The following ELOVL7 variants were observed in gnomAD, a reference collection of about 807,000 sequenced individuals.
ELOVL7 encodes the protein ELOVL fatty acid elongase 7, also known as very long chain fatty acid elongase 7.
ELOVL7 carries 27 observed loss-of-function variants against 35.7 expected under a neutral mutation model. The ratio of observed to expected loss-of-function variants is 0.76; its 90% CI spans 0.56 to 1.04. The LOEUF (loss-of-function observed/expected upper bound fraction) is 1.04. Ranked by LOEUF, ELOVL7 falls within the 50% of genes least tolerant of loss-of-function variation. ELOVL7 has a pLI of 0.00. For missense variants in ELOVL7, 327 were observed against 340.8 expected (o/e 0.96, Z 0.32); for synonymous variants, 113 against 114.6 (o/e 0.99, Z 0.09).
intron 3 of ELOVL7, among the ~76,000 whole-genome samples, chr5:60,780,415 C>T (rs1034704434): frequency 2.0e-5 from 3 of 151,988 alleles, no homozygotes; most frequent in Admixed American, 1.3e-4. Context: ...TCACGGCGCC[C>T]GGCCAAACTT....
intron 1 of ELOVL7, among the ~76,000 whole-genome samples, chr5:60,814,748 C>A (rs913415436): frequency 6.6e-6 from 1 of 152,152 alleles, no homozygotes; most frequent in South Asian, 2.1e-4. Flanking sequence ...AGTCTATGCT[C>A]GTCATGATAG....
intron 8 of ELOVL7, 94 bp from the exon 9 acceptor site, chr5:60,754,927 G>A (rs578247798): frequency 1.0e-6 from 1 of 998,304 alleles, no homozygotes; most frequent in Admixed American, 2.3e-5. Context: ...AGTGCAGGGA[G>A]TGCACTATTG....
At chr5:60,838,559 A>G (rs1287195642) in intron 1 of ELOVL7, among the ~76,000 whole-genome samples, 2 of 152,136 alleles carry the variant, frequency 1.3e-5, no homozygotes, top group Non-Finnish European at 2.9e-5. Flanking sequence ...GAAACTCCCC[A>G]GTTTTATCTA....
In ELOVL7 at chr5:60,752,314, G is replaced by T. The variant is rs1424296367; in HGVS notation, c.*2310C>A. 7 of 152,578 alleles carry T rather than the reference G, an allele frequency of 4.6e-5. No homozygotes were observed. Among genetic ancestry groups the T allele is most frequent in the Non-Finnish European group, 1.5e-5 (1 of 68,028 alleles). The allele number at this position is 152,578 out of a possible 1,614,324, so 9.5% of individuals were successfully genotyped here. Reference sequence around the variant, plus strand: ...CACTTCTATTCATATAATTGAGTATGTGTTTTATTACATGTTAGCTTATAG... The same window carrying T: ...CACTTCTATTCATATAATTGAGTATTTGTTTTATTACATGTTAGCTTATAG... On this transcript the variant is annotated 3_prime_UTR_variant, in exon 9 of 9. Coordinates refer to ENST00000508821, the MANE Select transcript of ELOVL7 (RefSeq NM_024930.3).
At chr5:60,826,185 T>G (rs1309613979) in intron 1 of ELOVL7, among the ~76,000 whole-genome samples, 2 of 152,142 alleles carry the variant, frequency 1.3e-5, no homozygotes, top group Non-Finnish European at 2.9e-5. Flanking sequence ...AGAGGGGTGG[T>G]TAAGAAAAGT....
chr5:60,789,277 T>C (rs1246467591), intron 2 of ELOVL7, among the ~76,000 whole-genome samples: 2 of 152,202 alleles, frequency 1.3e-5, no homozygotes, highest in Non-Finnish European at 2.9e-5. Flanking sequence ...GTTTCTAAAA[T>C]TGATAAAAGA....
At position 60,771,945 on chromosome 5, in the gene ELOVL7, G is replaced by A. The variant is rs376196052; in HGVS notation, c.213C>T (p.Tyr71=). Residue 71 remains tyrosine, a synonymous_variant, in exon 4 of 9, where the codon TAC becomes TAT. Transcript: ENST00000508821. The stretch of plus-strand genomic sequence containing the variant: ...CAGAAAAGAGTACTATGAAAAAATT[G>A]TACGTTATCATTGCTTTCTTGAGTT... ...PFELKKAMIT[Y]NFFIVLFSVY... 6.2e-7 allele frequency: 1 copy of A among 1,613,634 alleles called. No individual in the cohort carries two copies. The highest frequency in any genetic ancestry group is 1.1e-5 in the South Asian group (1 of 91,018).
chr5:60,815,196 T>G (rs1182661175), intron 1 of ELOVL7, among the ~76,000 whole-genome samples: 1 of 152,260 alleles, frequency 6.6e-6, no homozygotes, highest in Non-Finnish European at 1.5e-5. Flanking sequence ...ATTTGTAGCA[T>G]GTTTTCCCTC....
chr5:60,844,188 G>A lies in ELOVL7; in HGVS notation c.-114C>T, dbSNP rs149714182. 1,634 of 152,186 alleles carry A rather than the reference G, an allele frequency of 0.011. 12 individuals carry two copies. The highest frequency in any genetic ancestry group is 0.024 in the Middle Eastern group (7 of 290). The allele number at this position is 152,186 out of a possible 1,614,324, so 9.4% of individuals were successfully genotyped here. ...ACAGGGAGCGGAGCCGAAGCGCCGG[G>A]CGCGCGCGGGAGAGAGGGCGGCGAC... On this transcript the variant is annotated 5_prime_UTR_variant, in exon 1 of 9. Transcript: ENST00000508821.
At chr5:60,791,849 G>T (rs1231256187) in intron 2 of ELOVL7, among the ~76,000 whole-genome samples, 1 of 152,146 alleles carries the variant, frequency 6.6e-6, no homozygotes, top group Non-Finnish European at 1.5e-5. Flanking sequence ...AAATATTCTA[G>T]TTTTACAAGC....
intron 1 of ELOVL7, among the ~76,000 whole-genome samples, chr5:60,832,301 C>T (rs1456300868): frequency 3.9e-5 from 6 of 152,156 alleles, no homozygotes; most frequent in Non-Finnish European, 8.8e-5. Flanking sequence ...AAGTAGATGG[C>T]AACTCCTACT....
At chr5:60,754,918 G>C in intron 8 of ELOVL7, 85 bp from the exon 9 acceptor site, 1 of 1,063,808 alleles carries the variant, frequency 9.4e-7, no homozygotes, top group Non-Finnish European at 1.4e-6. Flanking sequence ...CACTCCCAAA[G>C]TGCAGGGAGT....
At chr5:60,775,721 A>C (rs2112195472) in intron 3 of ELOVL7, among the ~76,000 whole-genome samples, 1 of 152,334 alleles carries the variant, frequency 6.6e-6, no homozygotes, top group Middle Eastern at 3.4e-3. Context: ...GAAAATAAGC[A>C]ATGGGGAAAG....
chr5:60,842,696 G>A (rs1262112696), intron 1 of ELOVL7, among the ~76,000 whole-genome samples: 2 of 152,126 alleles, frequency 1.3e-5, no homozygotes, highest in South Asian at 2.1e-4. Context: ...TCCAGTGCTG[G>A]AGACAGAACC....
chr5:60,756,233 G>GA (rs1237791916), intron 8 of ELOVL7, among the ~76,000 whole-genome samples: 10 of 150,792 alleles, frequency 6.6e-5, no homozygotes, highest in Admixed American at 4.6e-4. Context: ...AGTATGCTGA[G>GA]AAAAAAAAGC....
intron 3 of ELOVL7, among the ~76,000 whole-genome samples, chr5:60,774,171 GAC>G (rs1742766933): frequency 6.6e-6 from 1 of 152,006 alleles, no homozygotes; most frequent in African/African-American, 2.4e-5. Context: ...ATCTGGCAAA[GAC>G]ACACCAACAA....
At chr5:60,817,552 G>GGT (rs909050288) in intron 1 of ELOVL7, among the ~76,000 whole-genome samples, 5 of 147,474 alleles carry the variant, frequency 3.4e-5, no homozygotes, top group Non-Finnish European at 1.5e-5. Context: ...TAAAACAAAT[G>GGT]GTGTGTGTGT....
chr5:60,840,700 C>A (rs116493872), intron 1 of ELOVL7, among the ~76,000 whole-genome samples: 1 of 152,090 alleles, frequency 6.6e-6, no homozygotes, highest in Admixed American at 6.6e-5. Flanking sequence ...TTTTTAAAAT[C>A]GCTTTTAGAA....
At chr5:60,757,405 A>G in intron 8 of ELOVL7, 104 bp downstream of exon 8, 1 of 1,209,306 alleles carries the variant, frequency 8.3e-7, no homozygotes, top group South Asian at 1.6e-5. Context: ...CTCTACCCCT[A>G]TTGTTTTGTC....
Sources: gnomAD v4.1 joint callset for allele counts (sites outside exome capture counted in the v4.1 genomes callset) on GRCh38, gnomAD v4.1.1 for gene constraint, MANE v1.5 for transcripts, NCBI Gene and HGNC (gene_info 2026-07-23, HGNC 2026-07-21) for gene names.